The following AZI2 variants were observed in gnomAD, a reference collection of about 807,000 sequenced individuals.
AZI2 encodes the protein 5-azacytidine-induced protein 2.
AZI2 carries 22 observed loss-of-function variants against 45.8 expected under a neutral mutation model. That is an observed-to-expected ratio of 0.48 (90% CI 0.34 to 0.69). The LOEUF (loss-of-function observed/expected upper bound fraction) is 0.69. Among genes scored for constraint, AZI2 ranks in the 30% least tolerant of loss-of-function variants. The pLI is 0.01. For synonymous variants in AZI2, 137 were observed against 156.7 expected, an observed-to-expected ratio of 0.87 and a Z score of 0.94; for missense variants, 417 against 441.5, an observed-to-expected ratio of 0.94 and a Z score of 0.50.
chr3:28,329,423 A>G (rs373082010), intron 6 of AZI2, among the ~76,000 whole-genome samples: 40 of 151,242 alleles, frequency 2.6e-4, no homozygotes, highest in African/African-American at 8.7e-4. Context: ...ACACAATCTT[A>G]TAAGTTTTAT....
At chr3:28,337,552 G>T (rs762907226) in intron 4 of AZI2, among the ~76,000 whole-genome samples, 2 of 152,080 alleles carry the variant, frequency 1.3e-5, no homozygotes, top group East Asian at 3.9e-4. Flanking sequence ...GAAAGAAAAA[G>T]AAATTGTAAC....
chr3:28,346,155 G>A (rs995331541), intron 1 of AZI2, among the ~76,000 whole-genome samples: 23 of 152,064 alleles, frequency 1.5e-4, no homozygotes, highest in Admixed American at 3.9e-4. Flanking sequence ...GTTATCCTAA[G>A]AATATGGACA....
intron 4 of AZI2, among the ~76,000 whole-genome samples, chr3:28,337,534 A>C (rs1342383188): frequency 6.6e-6 from 1 of 152,120 alleles, no homozygotes; most frequent in Non-Finnish European, 1.5e-5. Context: ...ACCTTTTAAC[A>C]ACCTTTGGAA....
Position 28,323,935 on chromosome 3 carries a change from C to A in AZI2, c.*107G>T, listed in dbSNP as rs1052254921. 1 of 1,339,726 alleles carries A rather than the reference C, an allele frequency of 7.5e-7. No homozygotes were observed. The highest frequency in any genetic ancestry group is 1.0e-6 in the Non-Finnish European group (1 of 978,090). The allele number at this position is 1,339,726 out of a possible 1,614,324, so 83.0% of individuals were successfully genotyped here. ...GTTCAAATATAGATACTGAAGACCTCTGCAAAATTTTAATCAAAATCTCCT... is the reference window on the plus strand; with the variant it reads ...GTTCAAATATAGATACTGAAGACCTATGCAAAATTTTAATCAAAATCTCCT... On this transcript the variant is annotated 3_prime_UTR_variant, in exon 8 of 8. Transcript: ENST00000479665.
chr3:28,338,092 A>G (rs1352037733), intron 3 of AZI2, 56 bp from the exon 4 acceptor site: 1 of 1,028,328 alleles, frequency 9.7e-7, no homozygotes, highest in Non-Finnish European at 1.4e-6. Flanking sequence ...ACGTTGGTAT[A>G]TTGTAATTTT....
rs567300601 is a variant in AZI2 at position 28,324,270 on chromosome 3, T to C, written c.951A>G (p.Gln317=). Residue 317 remains glutamine, a synonymous_variant, in exon 8 of 8, where the codon CAA becomes CAG. Coordinates refer to ENST00000479665, the MANE Select transcript of AZI2 (RefSeq NM_022461.5). ...VKVLSEKAIL[Q]SWTDNERSIP... ...TGGATCTCTCATTGTCTGTCCATGA[T>C]TGGAGGATTGCTTTCTCTGATAAAA... The C allele has an allele frequency of 5.7e-5, 92 of 1,609,260 alleles. No homozygotes were observed. The South Asian group carries it at 9.1e-4, about 16-fold the overall frequency.
At position 28,331,627 on chromosome 3, in the gene AZI2, A is replaced by G. The variant is rs1197875903; in HGVS notation, c.647+742T>C. ...CAGGTTTTTGATAGAAATTGGCCTG[A>G]CACAATTCACATTATTTACTTAGGT... On this transcript the variant is annotated intron_variant, in intron 6 of 7. Transcript: ENST00000479665. 2.6e-6 allele frequency: 3 copies of G among 1,173,630 alleles called. No individual in the cohort carries two copies. In the East Asian group the frequency reaches 1.2e-4, roughly 46 times the overall value. 72.7% of individuals were successfully genotyped at this position (1,173,630 alleles called of 1,614,324 possible).
At chr3:28,345,835 C>CT (rs1704203893) in intron 1 of AZI2, among the ~76,000 whole-genome samples, 1 of 151,982 alleles carries the variant, frequency 6.6e-6, no homozygotes, top group African/African-American at 2.4e-5. Flanking sequence ...TCAGACTGGT[C>CT]TTTTTTCTAG....
intron 1 of AZI2, chr3:28,348,102 C>T (rs892374788): frequency 1.2e-4 from 18 of 152,220 alleles, no homozygotes; most frequent in Non-Finnish European, 2.4e-4. Context: ...ACTCAACAAA[C>T]AGCCGAAGGC....
At chr3:28,331,881 G>C (rs1197927348) in intron 6 of AZI2, 1 of 1,548,072 alleles carries the variant, frequency 6.5e-7, no homozygotes, top group Non-Finnish European at 8.7e-7. Context: ...TATGCGAAGA[G>C]GGAACAGTCC....
intron 1 of AZI2, among the ~76,000 whole-genome samples, chr3:28,343,644 T>C (rs545896178): frequency 6.6e-6 from 1 of 152,094 alleles, no homozygotes; most frequent in African/African-American, 2.4e-5. Flanking sequence ...CAAAATCTTA[T>C]CAAACTCATC....
chr3:28,336,832 A>G lies in AZI2; in HGVS notation c.493T>C (p.Cys165Arg). Residue 165 changes from cysteine (C) to arginine (R), a missense_variant, in exon 5 of 8, where the codon TGT (cysteine) becomes CGT (arginine). Cys to Arg is a radical substitution (Grantham distance 180). Coordinates refer to ENST00000479665, the MANE Select transcript of AZI2 (RefSeq NM_022461.5). ...TCCAAACCATGGATCTTCAGGTCACAGCTCAACTTTTCCACCTCCCAGTTT... is the reference window on the plus strand; with the variant it reads ...TCCAAACCATGGATCTTCAGGTCACGGCTCAACTTTTCCACCTCCCAGTTT... ...SSNWEVEKLSCDLKIHGLEQE... is the reference protein window; with the variant it reads ...SSNWEVEKLSRDLKIHGLEQE... 2 of 1,613,340 alleles carry G rather than the reference A, an allele frequency of 1.2e-6. No individual in the cohort carries two copies. The highest frequency in any genetic ancestry group is 1.7e-6 in the Non-Finnish European group (2 of 1,179,566).
chr3:28,335,363 C>A (rs2125652002), intron 5 of AZI2, among the ~76,000 whole-genome samples: 2 of 151,914 alleles, frequency 1.3e-5, no homozygotes, highest in South Asian at 4.2e-4. Flanking sequence ...TTCCTGTAAA[C>A]CCATCTTTTG....
chr3:28,330,463 A>T (rs773404198), intron 6 of AZI2, among the ~76,000 whole-genome samples: 23 of 151,394 alleles, frequency 1.5e-4, no homozygotes, highest in Non-Finnish European at 2.8e-4. Context: ...AATATAGTAA[A>T]CTAATCTGTC....
At chr3:28,332,236 A>T in intron 6 of AZI2, 133 bp downstream of exon 6, 1 of 706,442 alleles carries the variant, frequency 1.4e-6, no homozygotes. Context: ...TTGTGATCAG[A>T]GGTTACATCA....
chr3:28,340,663 TG>T, intron 1 of AZI2, 41 bp from the exon 2 acceptor site: 6 of 1,460,682 alleles, frequency 4.1e-6, no homozygotes, highest in Non-Finnish European at 5.6e-6. Context: ...AATGTCTCAC[TG>T]AATAAGTGAA....
At chr3:28,345,629 T>C (rs1704195340) in intron 1 of AZI2, among the ~76,000 whole-genome samples, 3 of 151,940 alleles carry the variant, frequency 2.0e-5, no homozygotes, top group Admixed American at 2.0e-4. Context: ...ATAAAGTAGG[T>C]AGAAATAAGA....
At chr3:28,344,206 T>G (rs1395972226) in intron 1 of AZI2, among the ~76,000 whole-genome samples, 2 of 152,050 alleles carry the variant, frequency 1.3e-5, no homozygotes, top group South Asian at 4.1e-4. Context: ...ATAACTGTCA[T>G]TTAAATTTGT....
In AZI2 at chr3:28,337,938, C is replaced by G; in HGVS notation, c.438G>C (p.Gln146His). 6.5e-7 allele frequency: 1 copy of G among 1,544,276 alleles called. No individual in the cohort carries two copies. The change falls in exon 4 of 8, where the codon CAG becomes CAC. Residue 146 changes from glutamine to histidine, a missense_variant and splice_region_variant. Transcript: ENST00000479665. Reference sequence around the variant, plus strand: ...ATTTATAACAAGTAACTGGCATACCCTGCTGAGTTTCCACCTCTGTCCTCA... The same window carrying G: ...ATTTATAACAAGTAACTGGCATACCGTGCTGAGTTTCCACCTCTGTCCTCA... ...LQLRTEVETQ[Q>H]VMRNLNPPSS...
Sources: gnomAD v4.1 joint callset for allele counts (sites outside exome capture counted in the v4.1 genomes callset) on GRCh38, gnomAD v4.1.1 for gene constraint, MANE v1.5 for transcripts, NCBI Gene and HGNC (gene_info 2026-07-23, HGNC 2026-07-21) for gene names.